NFRKB: variants seen among roughly 807,000 people sequenced by gnomAD.
NFRKB encodes the protein nuclear factor related to kappaB binding protein.
A neutral mutation model predicts 135.7 loss-of-function variants in NFRKB; 62 were observed. The observed-to-expected ratio is 0.46, with a 90% CI of 0.37 to 0.56. The LOEUF (loss-of-function observed/expected upper bound fraction) is 0.56, where lower values mean the gene tolerates loss of function less well. Among genes scored for constraint, NFRKB ranks in the 20% least tolerant of loss-of-function variants. The pLI is 0.00. For synonymous variants in NFRKB, 678 were observed against 635.6 expected, an observed-to-expected ratio of 1.07 and a Z score of -1.00; for missense variants, 1,545 against 1,662.0, an observed-to-expected ratio of 0.93 and a Z score of 1.22.
rs776719862 is a variant in NFRKB, at chr11:129,883,102, A to C, written c.901+20T>G. The C allele has an allele frequency of 6.2e-7, 1 of 1,611,578 alleles. No individual in the cohort carries two copies. The highest frequency in any genetic ancestry group is 8.5e-7 in the Non-Finnish European group (1 of 1,177,960). On this transcript the variant is annotated intron_variant, in intron 9 of 26. Coordinates refer to ENST00000682444, the MANE Select transcript of NFRKB (RefSeq NM_001143835.2). Reference sequence around the variant, plus strand: ...ACACCATAGTCAGATGAAGGCTCCTAGAGGGGCCCAGTCATTTACCTGCCA... The same window carrying C: ...ACACCATAGTCAGATGAAGGCTCCTCGAGGGGCCCAGTCATTTACCTGCCA...
At position 129,863,756 on chromosome 11, in the gene NFRKB, A is replaced by C. The variant is rs1446464751; in HGVS notation, c.*969T>G. ...TCGAATCTGAAAGCAGCCACAGATA[A>C]TACAAACACAAATTGGTCTGGGCTG... On this transcript the variant is annotated 3_prime_UTR_variant, in exon 27 of 27. Transcript: ENST00000682444. The C allele has an allele frequency of 6.6e-6, 1 of 152,310 alleles. No homozygotes were observed. The highest frequency in any genetic ancestry group is 2.4e-5 in the African/African-American group (1 of 41,452). 9.4% of individuals were successfully genotyped at this position (152,310 alleles called of 1,614,324 possible).
At position 129,878,339 on chromosome 11, in the gene NFRKB, C is replaced by A; in HGVS notation, c.1481G>T (p.Ser494Ile). 2.5e-6 allele frequency: 4 copies of A among 1,614,196 alleles called. No individual in the cohort carries two copies. The highest frequency in any genetic ancestry group is 2.2e-5 in the East Asian group (1 of 44,888). Residue 494 changes from serine (S) to isoleucine (I), a missense_variant, in exon 15 of 27, where the codon AGC (serine) becomes ATC (isoleucine). Physicochemically the swap from Ser to Ile is moderately radical, Grantham distance 142 (BLOSUM62 -2). Around this residue, in one of 3 missense-constraint regions of NFRKB, gnomAD observed 678 missense variants for 646.7 expected, o/e 1.05. Coordinates refer to ENST00000682444, the MANE Select transcript of NFRKB (RefSeq NM_001143835.2). ...AGGGACAGGTGTTGTGGCATCTGAG[C>A]TGTCTTCATTTTCTTGCTGGAGAAA... is the stretch of plus-strand genomic sequence containing the variant. Reference protein sequence around the residue: ...QAFCKQENEDSSDATTPVPRV... With the variant: ...QAFCKQENEDISDATTPVPRV...
Position 129,869,868 on chromosome 11 carries a change from C to A in NFRKB, c.3157G>T (p.Ala1053Ser). The A allele has an allele frequency of 6.2e-7, 1 of 1,614,264 alleles. No homozygotes were observed. Among genetic ancestry groups the A allele is most frequent in the Non-Finnish European group, 8.5e-7 (1 of 1,180,052 alleles). ...ATCAAGCGAAAAGCCGAACTTGAGGCTTCTGTTGGCTTGAGGTCAGGAGTC... is the reference window on the plus strand; with the variant it reads ...ATCAAGCGAAAAGCCGAACTTGAGGATTCTGTTGGCTTGAGGTCAGGAGTC... ...KVTPDLKPTE[A>S]SSSAFRLMPA... is the part of the protein sequence containing the mutation. The change falls in exon 24 of 27, where the codon GCC becomes TCC. Residue 1053 changes from alanine to serine, a missense_variant. Ala to Ser is a moderately conservative substitution (Grantham distance 99). Transcript: ENST00000682444.
At chr11:129,875,009 T>C in intron 18 of NFRKB, 93 bp from the exon 19 acceptor site, 1 of 1,490,734 alleles carries the variant, frequency 6.7e-7, no homozygotes, top group Non-Finnish European at 9.2e-7. Flanking sequence ...TGTATCTAAA[T>C]CACAGCTGAT....
intron 6 of NFRKB, among the ~76,000 whole-genome samples, chr11:129,885,098 G>C (rs1949210932): frequency 6.6e-6 from 1 of 152,174 alleles, no homozygotes; most frequent in African/African-American, 2.4e-5. Flanking sequence ...CTACTCTCCT[G>C]TAAGGGGAAA....
chr11:129,881,710 A>G lies in NFRKB; in HGVS notation c.1318+17T>C, dbSNP rs761204578. 69 of 1,613,158 alleles carry G rather than the reference A, an allele frequency of 4.3e-5. No individual in the cohort carries two copies. Among genetic ancestry groups the G allele is most frequent in the Non-Finnish European group, 5.7e-5 (67 of 1,179,584 alleles). ...AAAGGGGGAAAAATACTGACCCTAC[A>G]AAAAAGAGCATCTTACCTCGACTTT... is the stretch of plus-strand genomic sequence containing the variant. On this transcript the variant is annotated intron_variant, in intron 12 of 26. Coordinates refer to ENST00000682444, the MANE Select transcript of NFRKB (RefSeq NM_001143835.2).
chr11:129,875,246 T>C (rs1188033871), intron 18 of NFRKB, 111 bp downstream of exon 18: 2 of 930,118 alleles, frequency 2.2e-6, no homozygotes, highest in African/African-American at 1.7e-5. Flanking sequence ...TTTCAAGGTA[T>C]GTTTTTCACT....
intron 3 of NFRKB, among the ~76,000 whole-genome samples, chr11:129,892,504 A>G (rs888898459): frequency 7.2e-5 from 11 of 152,234 alleles, no homozygotes; most frequent in Non-Finnish European, 1.3e-4. Context: ...GCATGTTATT[A>G]AACATGCGGA....
intron 2 of NFRKB, chr11:129,893,445 A>G (rs1031549184): frequency 6.6e-6 from 2 of 302,776 alleles, no homozygotes; most frequent in African/African-American, 2.2e-5. Flanking sequence ...CTGTAGTCCC[A>G]GCTACTCAGA....
In NFRKB at chr11:129,869,986, A is replaced by C. The variant is rs1429052502; in HGVS notation, c.3039T>G (p.Thr1013=). 1.5e-5 allele frequency: 25 copies of C among 1,614,124 alleles called. No homozygotes were observed. The highest frequency in any genetic ancestry group is 2.1e-5 in the Non-Finnish European group (25 of 1,180,052). ...GKGISATLHV[T]SNPVHAADSP... is the part of the protein sequence containing the mutation. ...TATCAGCTGCATGTACTGGATTGGAAGTGACGTGTAAGGTGGCAGAGATGC... is the reference window on the plus strand; with the variant it reads ...TATCAGCTGCATGTACTGGATTGGACGTGACGTGTAAGGTGGCAGAGATGC... The change falls in exon 24 of 27, where the codon ACT becomes ACG. Residue 1013 remains threonine, a synonymous_variant. Transcript: ENST00000682444.
chr11:129,889,951 CGTGTGTGT>C (rs56216860), intron 3 of NFRKB, among the ~76,000 whole-genome samples: 8 of 135,350 alleles, frequency 5.9e-5, no homozygotes, highest in East Asian at 2.2e-4. Flanking sequence ...TATTGTCTTA[CGTGTGTGT>C]GTGTGTGTGT....
In NFRKB at chr11:129,874,437, C is replaced by A; in HGVS notation, c.2058+64G>T. ...TGCCCCACACCAAGTGAAAGCCGAGCAGCCACTCTTAGTTGCCTCCATCCC... is the reference window on the plus strand; with the variant it reads ...TGCCCCACACCAAGTGAAAGCCGAGAAGCCACTCTTAGTTGCCTCCATCCC... On this transcript the variant is annotated intron_variant, in intron 20 of 26. Coordinates refer to ENST00000682444, the MANE Select transcript of NFRKB (RefSeq NM_001143835.2). The surrounding 1 kb of genome is among the most constrained non-coding windows in gnomAD (Gnocchi z 4.5). The A allele has an allele frequency of 6.4e-7, 1 of 1,567,988 alleles. No homozygotes were observed. The highest frequency in any genetic ancestry group is 8.6e-7 in the Non-Finnish European group (1 of 1,158,144).
intron 6 of NFRKB, 68 bp from the exon 7 acceptor site, chr11:129,884,914 T>G (rs1466386804): frequency 6.2e-7 from 1 of 1,611,014 alleles, no homozygotes; most frequent in Non-Finnish European, 8.5e-7. Flanking sequence ...ATTGGGTAAG[T>G]GGCCATTTGG....
Position 129,886,455 on chromosome 11 carries a change from T to TA in NFRKB, c.338-12dup, listed in dbSNP as rs752814438. 5 of 1,612,088 alleles carry TA rather than the reference T, an allele frequency of 3.1e-6. No homozygotes were observed. Among genetic ancestry groups the TA allele is most frequent in the African/African-American group, 1.3e-5 (1 of 74,858 alleles). ...GGTTAAAGTGTCCGTCTTAAAAAAA[T>TA]AAAGGTATATATATTTACATCAATC... is the stretch of plus-strand genomic sequence containing the variant. On this transcript the variant is annotated splice_polypyrimidine_tract_variant and intron_variant, in intron 4 of 26. Transcript: ENST00000682444.
intron 24 of NFRKB, among the ~76,000 whole-genome samples, chr11:129,867,919 T>C (rs1948285289): frequency 6.6e-6 from 1 of 152,210 alleles, no homozygotes; most frequent in Non-Finnish European, 1.5e-5. Context: ...GAAGCAATAG[T>C]TGATTATTTT....
chr11:129,865,743 G>A (rs897751203), intron 25 of NFRKB, 134 bp downstream of exon 25: 9 of 705,122 alleles, frequency 1.3e-5, no homozygotes, highest in Middle Eastern at 3.7e-4. Flanking sequence ...CTGTTGATGA[G>A]CACAATAAAG....
chr11:129,869,407 T>C (rs745555352), intron 24 of NFRKB, 87 bp downstream of exon 24: 4 of 1,450,016 alleles, frequency 2.8e-6, no homozygotes, highest in Non-Finnish European at 3.7e-6. Context: ...TTTCCTAGTT[T>C]TTAGGGAGTT....
At chr11:129,895,089 T>C (rs561609199) in intron 1 of NFRKB, among the ~76,000 whole-genome samples, 1 of 152,204 alleles carries the variant, frequency 6.6e-6, no homozygotes, top group African/African-American at 2.4e-5. Context: ...GTTCTGAACC[T>C]CTTCACTAGA....
intron 8 of NFRKB, among the ~76,000 whole-genome samples, chr11:129,883,688 C>T (rs1949134237): frequency 6.6e-6 from 1 of 152,152 alleles, no homozygotes; most frequent in South Asian, 2.1e-4. Context: ...GTGCTAGCTA[C>T]CTCAACTTGG....
Sources: gnomAD v4.1 joint callset for allele counts (sites outside exome capture counted in the v4.1 genomes callset) on GRCh38, gnomAD v4.1.1 for gene constraint, gnomAD v4.1.1 regional missense constraint, Gnocchi (gnomAD v3.1) non-coding constraint, MANE v1.5 for transcripts, NCBI Gene and HGNC (gene_info 2026-07-23, HGNC 2026-07-21) for gene names.